The following DPP6 variants were observed in gnomAD, a reference collection of about 807,000 sequenced individuals.
The protein encoded by DPP6 is A-type potassium channel modulatory protein DPP6.
DPP6 carries 69 observed loss-of-function variants against 122.6 expected under a neutral mutation model. That is an observed-to-expected ratio of 0.56 (90% CI 0.46 to 0.69). DPP6 has a LOEUF of 0.69. Ranked by LOEUF, DPP6 falls within the 30% of genes least tolerant of loss-of-function variation. The pLI, the probability that DPP6 is intolerant of heterozygous loss-of-function variation, is 0.00. For missense variants in DPP6, 928 were observed against 1,116.9 expected (o/e 0.83, Z 2.41); for synonymous variants, 418 against 433.1 (o/e 0.97, Z 0.43).
chr7:153,846,939 G>A, the DPP6 span, among the ~76,000 whole-genome samples: 25 of 151,876 alleles, frequency 1.6e-4, no homozygotes, highest in African/African-American at 5.1e-4. Flanking sequence ...CGCCCGCCTC[G>A]GCCTCCCAAA....
intron 4 of DPP6, among the ~76,000 whole-genome samples, chr7:154,556,329 A>G (rs1260145783): frequency 6.6e-6 from 1 of 152,204 alleles, no homozygotes; most frequent in Non-Finnish European, 1.5e-5. Context: ...GTCTGAATCC[A>G]CAGTCCAAGC....
intron 1 of DPP6, among the ~76,000 whole-genome samples, chr7:154,140,083 A>G (rs3115131): frequency 6.6e-6 from 1 of 151,820 alleles, no homozygotes; most frequent in Non-Finnish European, 1.5e-5. Flanking sequence ...CTCACTGGTC[A>G]TGATATCTTG....
intron 1 of DPP6, among the ~76,000 whole-genome samples, chr7:154,230,498 C>CT (rs1364037243): frequency 4.6e-5 from 7 of 152,206 alleles, no homozygotes; most frequent in African/African-American, 1.7e-4. Context: ...AAAAGCTCCT[C>CT]CCAGCTGTGA....
intron 1 of DPP6, among the ~76,000 whole-genome samples, chr7:154,093,215 A>G (rs1585360920): frequency 7.2e-6 from 1 of 139,418 alleles, no homozygotes; most frequent in Non-Finnish European, 1.5e-5. Flanking sequence ...ACCACATCAT[A>G]CACATCATAC....
chr7:154,816,017 T>TC (rs1242566813), intron 16 of DPP6, among the ~76,000 whole-genome samples: 3 of 152,288 alleles, frequency 2.0e-5, no homozygotes, highest in South Asian at 4.1e-4. Flanking sequence ...ATTATCAAAA[T>TC]CACAGGAGAT....
intron 6 of DPP6, among the ~76,000 whole-genome samples, chr7:154,659,959 A>G (rs1837512088): frequency 6.6e-6 from 1 of 152,250 alleles, no homozygotes; most frequent in Admixed American, 6.5e-5. Flanking sequence ...AGGAGAAAAT[A>G]AGACGCAGAG....
intron 1 of DPP6, among the ~76,000 whole-genome samples, chr7:154,155,422 A>G (rs953997242): frequency 7.2e-5 from 11 of 152,216 alleles, no homozygotes; most frequent in African/African-American, 1.9e-4. Flanking sequence ...AGAGACAGGC[A>G]GGTCAGAGGC....
chr7:154,588,619 C>A (rs1433577727), intron 5 of DPP6: 3 of 152,222 alleles, frequency 2.0e-5, no homozygotes, highest in Non-Finnish European at 4.4e-5. Flanking sequence ...GTAGATTCTC[C>A]CTGGAAACCA....
chr7:154,090,447 T>C (rs1804721081), intron 1 of DPP6, among the ~76,000 whole-genome samples: 1 of 152,246 alleles, frequency 6.6e-6, no homozygotes, highest in South Asian at 2.1e-4. Context: ...TGGATATGCC[T>C]ATTGAGAAGT....
intron 7 of DPP6, among the ~76,000 whole-genome samples, chr7:154,722,578 G>A (rs1310179883): frequency 6.6e-6 from 1 of 152,200 alleles, no homozygotes; most frequent in Non-Finnish European, 1.5e-5. Context: ...TCGTGTTTCA[G>A]TAAAGACAAA....
chr7:154,428,822 G>T (rs569174952), intron 1 of DPP6, among the ~76,000 whole-genome samples: 3 of 152,272 alleles, frequency 2.0e-5, no homozygotes, highest in Admixed American at 6.5e-5. Flanking sequence ...ATACAGAGTG[G>T]TATAATAGAT....
In DPP6 at chr7:154,833,783, C is replaced by T. The variant is rs898545667; in HGVS notation, c.1667-19997C>T. Among the ~76,000 whole-genome samples, 2 of 152,106 alleles carry T rather than the reference C, an allele frequency of 1.3e-5. No homozygotes were observed. Among genetic ancestry groups the T allele is most frequent in the Admixed American group, 6.5e-5 (1 of 15,284 alleles). ...TGTGCAAAAAATTACACTAAAATGA[C>T]CAAAGATTCTCATAGACAAAGGAAA... On this transcript the variant is annotated intron_variant, in intron 16 of 25. Transcript: ENST00000377770. The surrounding 1 kb of genome is among the most constrained non-coding windows in gnomAD (Gnocchi z 4.3).
At chr7:154,329,530 C>T (rs781487087) in intron 1 of DPP6, among the ~76,000 whole-genome samples, 3 of 152,138 alleles carry the variant, frequency 2.0e-5, no homozygotes, top group Non-Finnish European at 4.4e-5. Flanking sequence ...AAAGTCAGGA[C>T]ACAACAGATG....
intron 8 of DPP6, among the ~76,000 whole-genome samples, chr7:154,768,120 C>A (rs1465800592): frequency 1.3e-5 from 2 of 152,242 alleles, no homozygotes; most frequent in Non-Finnish European, 2.9e-5. Context: ...TGCTGCAGGC[C>A]TCTGGGCTTG....
chr7:154,800,799 T>C (rs964128465), intron 12 of DPP6, among the ~76,000 whole-genome samples: 5 of 152,254 alleles, frequency 3.3e-5, no homozygotes, highest in African/African-American at 1.2e-4. Flanking sequence ...TTTCTTTTTT[T>C]CTTGCCTTCT....
At chr7:153,953,052 C>T (rs963542150) in intron 1 of DPP6, among the ~76,000 whole-genome samples, 1 of 152,036 alleles carries the variant, frequency 6.6e-6, no homozygotes, top group African/African-American at 2.4e-5. Flanking sequence ...AGATAAATAC[C>T]CATGTTTATC....
chr7:153,901,879 T>C (rs990664803), intron 1 of DPP6, among the ~76,000 whole-genome samples: 4 of 152,218 alleles, frequency 2.6e-5, no homozygotes, highest in African/African-American at 9.6e-5. Flanking sequence ...CTTTCTTCCT[T>C]GAGCTCCTTA....
At chr7:153,751,850 G>T in the DPP6 span, among the ~76,000 whole-genome samples, 2 of 150,886 alleles carry the variant, frequency 1.3e-5, no homozygotes, top group East Asian at 4.0e-4. Context: ...GAAAGCAAAG[G>T]TTTGGATTGA....
At chr7:153,786,375 C>G in the DPP6 span, among the ~76,000 whole-genome samples, 2 of 150,748 alleles carry the variant, frequency 1.3e-5, no homozygotes, top group African/African-American at 4.9e-5. Context: ...ATTCACAAAA[C>G]AATACTTCAG....
Sources: allele counts gnomAD v4.1 joint callset (sites outside exome capture counted in the v4.1 genomes callset), GRCh38; gene constraint gnomAD v4.1.1; non-coding constraint Gnocchi (gnomAD v3.1); transcripts MANE v1.5; gene names NCBI Gene and HGNC (gene_info 2026-07-23, HGNC 2026-07-21).